GALNT9: variants seen among roughly 807,000 people sequenced by gnomAD.
GALNT9 encodes polypeptide N-acetylgalactosaminyltransferase 9.
A neutral mutation model predicts 63.1 loss-of-function variants in GALNT9; 47 were observed. The observed-to-expected ratio is 0.75, with a 90% confidence interval of 0.59 to 0.95. The LOEUF (loss-of-function observed/expected upper bound fraction) is 0.95, where lower values mean the gene tolerates loss of function less well. Ranked by LOEUF, GALNT9 falls within the 40% of genes least tolerant of loss-of-function variation. The pLI, the probability that GALNT9 is intolerant of heterozygous loss-of-function variation, is 0.00. For synonymous variants in GALNT9, 396 were observed against 365.7 expected (o/e 1.08, Z -0.94); for missense variants, 829 against 874.8 (o/e 0.95, Z 0.66).
At chr12:132,288,517 C>CGA (rs1490557068) in intron 1 of GALNT9, among the ~76,000 whole-genome samples, 3 of 152,166 alleles carry the variant, frequency 2.0e-5, no homozygotes, top group East Asian at 3.8e-4. Context: ...GCTTCTAACT[C>CGA]GAGAGAGAGA....
chr12:132,260,109 C>T (rs2135543661), intron 4 of GALNT9, among the ~76,000 whole-genome samples: 1 of 152,240 alleles, frequency 6.6e-6, no homozygotes, highest in East Asian at 1.9e-4. Flanking sequence ...TGGGGTTTGC[C>T]TGGGGGCATC....
chr12:132,221,159 G>C (rs1238120001), intron 6 of GALNT9, among the ~76,000 whole-genome samples: 4 of 145,018 alleles, frequency 2.8e-5, no homozygotes, highest in Non-Finnish European at 4.5e-5. Context: ...TTCGAGACCA[G>C]CCTGGCCAAC....
chr12:132,196,398 T>C lies in GALNT9; in HGVS notation c.*709A>G, dbSNP rs375431554. On this transcript the variant is annotated 3_prime_UTR_variant, in exon 11 of 11. Transcript: ENST00000328957. Reference sequence around the variant, plus strand: ...GTGGCTGGGCGCCAATAAAACTGTATTTATTAAAACAGGCAAGGGGCTGGG... The same window carrying C: ...GTGGCTGGGCGCCAATAAAACTGTACTTATTAAAACAGGCAAGGGGCTGGG... 1.6e-5 allele frequency: 16 copies of C among 977,886 alleles called. No individual in the cohort carries two copies. The African/African-American group carries it at 2.2e-4, about 14-fold the overall frequency. The allele number at this position is 977,886 out of a possible 1,614,324, so 60.6% of individuals were successfully genotyped here.
At chr12:132,228,319 AGT>A (rs1372054865) in intron 6 of GALNT9, among the ~76,000 whole-genome samples, 2 of 150,726 alleles carry the variant, frequency 1.3e-5, no homozygotes, top group African/African-American at 4.9e-5. Context: ...CCTTTCCCTG[AGT>A]GTGGGTGGCG....
intron 1 of GALNT9, among the ~76,000 whole-genome samples, chr12:132,297,898 C>T (rs1447128217): frequency 2.6e-5 from 4 of 152,084 alleles, no homozygotes; most frequent in East Asian, 1.9e-4. Context: ...CAATTCACTC[C>T]CATGATAACC....
intron 5 of GALNT9, among the ~76,000 whole-genome samples, chr12:132,253,398 G>A (rs1481301968): frequency 2.0e-5 from 3 of 151,804 alleles, no homozygotes; most frequent in Non-Finnish European, 2.9e-5. Flanking sequence ...TGGCGTTACC[G>A]CTTGACCAAG....
chr12:132,204,639 A>G (rs984629943), intron 6 of GALNT9, among the ~76,000 whole-genome samples: 2 of 151,958 alleles, frequency 1.3e-5, no homozygotes, highest in Admixed American at 1.3e-4. Context: ...GGGTGAGTCA[A>G]TTCCTTAGAT....
intron 2 of GALNT9, among the ~76,000 whole-genome samples, chr12:132,270,283 C>T (rs545829254): frequency 6.6e-6 from 1 of 152,308 alleles, no homozygotes; most frequent in African/African-American, 2.4e-5. Flanking sequence ...CCCCGTGTCT[C>T]CCTGAAATAG....
At chr12:132,324,518 T>C (rs992320320) in intron 1 of GALNT9, among the ~76,000 whole-genome samples, 1 of 152,220 alleles carries the variant, frequency 6.6e-6, no homozygotes, top group Non-Finnish European at 1.5e-5. Flanking sequence ...TGGATGGGAC[T>C]AAGGCAGTGT....
chr12:132,269,077 C>T (rs1879766686), intron 2 of GALNT9, among the ~76,000 whole-genome samples: 1 of 152,358 alleles, frequency 6.6e-6, no homozygotes, highest in East Asian at 1.9e-4. Context: ...CTGAAAGACA[C>T]AGAGGGAGGA....
Position 132,329,257 on chromosome 12 carries a change from CG to C in GALNT9, c.-55del. ...GCGGGGCATCCCCAGCATCCCCGCC[CG>C]GGCCTGGGCTTCAGCTTCGGCTTCG... On this transcript the variant is annotated 5_prime_UTR_variant, in exon 1 of 11. An upstream open reading frame in the 5' UTR loses its in-frame stop. Coordinates refer to ENST00000328957, the MANE Select transcript of GALNT9 (RefSeq NM_001122636.2). The C allele has an allele frequency of 1.3e-6, 2 of 1,510,652 alleles. No homozygotes were observed. Among genetic ancestry groups the C allele is most frequent in the South Asian group, 1.3e-5 (1 of 79,216 alleles). 93.6% of individuals were successfully genotyped at this position (1,510,652 alleles called of 1,614,324 possible). A position where few individuals can be genotyped will look rare whatever the true frequency, so the allele number is the denominator to read the frequency against.
intron 6 of GALNT9, among the ~76,000 whole-genome samples, chr12:132,209,526 A>G (rs7305294): frequency 0.77 from 116,328 of 151,978 alleles, 44,682 homozygotes; most frequent in African/African-American, 0.79. Context: ...CTCCAGCCTG[A>G]GTGACAGAGC....
chr12:132,251,288 C>T (rs1345723631), intron 5 of GALNT9, among the ~76,000 whole-genome samples: 4 of 152,138 alleles, frequency 2.6e-5, no homozygotes, highest in Non-Finnish European at 4.4e-5. Context: ...GGCACTGAAA[C>T]GAAAAGTTAA....
intron 6 of GALNT9, among the ~76,000 whole-genome samples, chr12:132,206,531 C>T (rs553752228): frequency 1.3e-5 from 2 of 152,142 alleles, no homozygotes; most frequent in South Asian, 4.1e-4. Context: ...CCTGTAGTCC[C>T]AGCTACTCAG....
Position 132,286,821 on chromosome 12 carries a change from C to G in GALNT9, c.239-391G>C, listed in dbSNP as rs1880612767. ...CTGGACCTCCCAGGCTCAAGCAATC[C>G]TCCCACCTCAGCCTCCTGAGTAAAT... On this transcript the variant is annotated intron_variant, in intron 1 of 10. Coordinates refer to ENST00000328957, the MANE Select transcript of GALNT9 (RefSeq NM_001122636.2). The surrounding 1 kb of genome is among the most constrained non-coding windows in gnomAD (Gnocchi z 7.4). Among the ~76,000 whole-genome samples, 1 of 152,126 alleles carries G rather than the reference C, an allele frequency of 6.6e-6. No homozygotes were observed. The highest frequency in any genetic ancestry group is 2.4e-5 in the African/African-American group (1 of 41,424).
chr12:132,197,740 C>T (rs1875625276), intron 10 of GALNT9, 52 bp downstream of exon 10: 12 of 1,356,358 alleles, frequency 8.8e-6, no homozygotes, highest in Middle Eastern at 2.5e-4. Context: ...CCAGGGGTCC[C>T]AGCAGCCCTG....
chr12:132,200,788 A>AG lies in GALNT9; in HGVS notation c.1401+335_1401+336insC, dbSNP rs1555233382. On this transcript the variant is annotated intron_variant, in intron 8 of 10. Transcript: ENST00000328957. Reference sequence around the variant, plus strand: ...AGAGCGTAGGTACATTGAATCAGGCATGTGAACACGCATGGATGTGACTAC... The same window carrying AG: ...AGAGCGTAGGTACATTGAATCAGGCAGTGTGAACACGCATGGATGTGACTAC... The AG allele has an allele frequency of 2.6e-4, 52 of 200,902 alleles. No individual in the cohort carries two copies. In the East Asian group the frequency reaches 3.8e-3, roughly 15 times the overall value. 12.4% of individuals were successfully genotyped at this position (200,902 alleles called of 1,614,324 possible).
rs768914669 is a variant in GALNT9, at chr12:132,210,811, TG to T, written c.1078-7122del. ...AGGTCGCCGTCTGGCGGTTGCCATC[TG>T]GGTGGTCGCCGTCTGGAGGTCGCCG... On this transcript the variant is annotated intron_variant, in intron 6 of 10. Coordinates refer to ENST00000328957, the MANE Select transcript of GALNT9 (RefSeq NM_001122636.2). 3.5e-3 allele frequency among the ~76,000 whole-genome samples: 537 copies of T among 151,306 alleles called. 2 individuals are homozygous for T. The highest frequency in any genetic ancestry group is 5.3e-3 in the Non-Finnish European group (357 of 67,758).
chr12:132,255,026 T>C (rs892919452), intron 5 of GALNT9, among the ~76,000 whole-genome samples: 1 of 152,180 alleles, frequency 6.6e-6, no homozygotes, highest in East Asian at 1.9e-4. Flanking sequence ...AAATAAGATT[T>C]CAAGTGAAAA....
Sources: gnomAD v4.1 joint callset for allele counts (sites outside exome capture counted in the v4.1 genomes callset) on GRCh38, gnomAD v4.1.1 for gene constraint, Gnocchi (gnomAD v3.1) non-coding constraint, MANE v1.5 for transcripts, NCBI Gene and HGNC (gene_info 2026-07-23, HGNC 2026-07-21) for gene names.